Variants in HAS3 observed in about 807,000 individuals in gnomAD.
HAS3 encodes the protein HA synthase 3.
Under a neutral mutation model 50.3 loss-of-function variants are expected in HAS3, and 27 were observed. That is an observed-to-expected ratio of 0.54 (90% CI 0.40 to 0.74). The LOEUF is 0.74. Among genes scored for constraint, HAS3 ranks in the 30% least tolerant of loss-of-function variants. The pLI, the probability that HAS3 is intolerant of heterozygous loss-of-function variation, is 0.00. For missense variants in HAS3, 517 were observed against 742.8 expected (o/e 0.70, Z 3.53); for synonymous variants, 339 against 310.9 (o/e 1.09, Z -0.95).
At position 69,107,896 on chromosome 16, in the gene HAS3, T is replaced by A. The variant is rs2099942387; in HGVS notation, c.1-1500T>A. On this transcript the variant is annotated intron_variant, in intron 1 of 3. Coordinates refer to ENST00000569188, the MANE Select transcript of HAS3 (RefSeq NM_001199280.2). This position sits in a 1 kb window ranked among gnomAD's most constrained non-coding sequence, Gnocchi z 5.5. ...GGAGAGGCTAGGCTGCCAGCAGCTCTTTTCGGGCCAACGCTGCTGGAAGGC... is the reference window on the plus strand; with the variant it reads ...GGAGAGGCTAGGCTGCCAGCAGCTCATTTCGGGCCAACGCTGCTGGAAGGC... 6.6e-6 allele frequency among the ~76,000 whole-genome samples: 1 copy of A among 152,220 alleles called. No individual in the cohort carries two copies. Among genetic ancestry groups the A allele is most frequent in the South Asian group, 2.1e-4 (1 of 4,832 alleles).
chr16:69,110,819 C>T (rs1039051409), intron 2 of HAS3, among the ~76,000 whole-genome samples: 3 of 152,132 alleles, frequency 2.0e-5, no homozygotes, highest in Admixed American at 6.5e-5. Flanking sequence ...CATAAGAAAG[C>T]GTGGTGAAGA....
the HAS3 span, among the ~76,000 whole-genome samples, chr16:69,086,569 T>A: frequency 1.1e-4 from 16 of 150,484 alleles, no homozygotes; most frequent in Admixed American, 1.0e-3. Context: ...TGTGTATGAA[T>A]GATAGTCCTT....
intron 3 of HAS3, 57 bp downstream of exon 3, chr16:69,113,599 A>G (rs1050404059): frequency 4.9e-6 from 5 of 1,015,902 alleles, no homozygotes; most frequent in Non-Finnish European, 7.5e-6. Context: ...TTCCTAATCC[A>G]ATTGGATATG....
Position 69,117,410 on chromosome 16 carries a change from C to CAT in HAS3, c.*2145_*2146dup. 1 of 985,782 alleles carries CAT rather than the reference C, an allele frequency of 1.0e-6. No individual in the cohort carries two copies. The highest frequency in any genetic ancestry group is 1.2e-6 in the Non-Finnish European group (1 of 829,886). The allele number at this position is 985,782 out of a possible 1,614,324, so 61.1% of individuals were successfully genotyped here. A position where few individuals can be genotyped will look rare whatever the true frequency, so the allele number is the denominator to read the frequency against. ...ACTGGTTTTTCTAAGTTATTTTGTA[C>CAT]ATTTTTCAGCAGCAAAACCAAACTG... On this transcript the variant is annotated 3_prime_UTR_variant, in exon 4 of 4. Transcript: ENST00000569188.
the HAS3 span, among the ~76,000 whole-genome samples, chr16:69,094,068 T>A: frequency 6.6e-6 from 1 of 152,134 alleles, no homozygotes; most frequent in African/African-American, 2.4e-5. Flanking sequence ...GAGCTGCTGA[T>A]TTCAGGAGAG....
rs765434455 is a variant in HAS3, at chr16:69,113,407, G to T, written c.637-34G>T. On this transcript the variant is annotated intron_variant, in intron 2 of 3. Coordinates refer to ENST00000569188, the MANE Select transcript of HAS3 (RefSeq NM_001199280.2). ...GGGGGACAGGGTGTGCAGGTCTGAG[G>T]TCAGAATGGGCTGACGACGCACTCC... The T allele has an allele frequency of 2.8e-6, 4 of 1,446,530 alleles. No homozygotes were observed. In the East Asian group the frequency reaches 9.1e-5, roughly 33 times the overall value. 89.6% of individuals were successfully genotyped at this position (1,446,530 alleles called of 1,614,324 possible). A position where few individuals can be genotyped will look rare whatever the true frequency, so the allele number is the denominator to read the frequency against.
chr16:69,116,598 C>G lies in HAS3; in HGVS notation c.*1332C>G. ...TTGTGACAGTCACTGCATTTGCCTG[C>G]TTCTTTCCAGAAACCAAACTAGGAG... is the stretch of plus-strand genomic sequence containing the variant. On this transcript the variant is annotated 3_prime_UTR_variant, in exon 4 of 4. Coordinates refer to ENST00000569188, the MANE Select transcript of HAS3 (RefSeq NM_001199280.2). 1.0e-6 allele frequency: 1 copy of G among 985,376 alleles called. No homozygotes were observed. The highest frequency in any genetic ancestry group is 1.2e-6 in the Non-Finnish European group (1 of 829,908). The allele number at this position is 985,376 out of a possible 1,614,324, so 61.0% of individuals were successfully genotyped here. A position where few individuals can be genotyped will look rare whatever the true frequency, so the allele number is the denominator to read the frequency against.
downstream of HAS3, chr16:69,118,341 G>A (rs771645177): frequency 3.5e-5 from 54 of 1,523,764 alleles, no homozygotes; most frequent in East Asian, 1.2e-3. Context: ...CCATCTCCCT[G>A]TTCTGTGTTC....
At chr16:69,110,967 G>A (rs759688276) in intron 2 of HAS3, among the ~76,000 whole-genome samples, 2 of 152,000 alleles carry the variant, frequency 1.3e-5, no homozygotes, top group Admixed American at 1.3e-4. Flanking sequence ...TAGGAGCATC[G>A]GCAGGGGCGG....
At chr16:69,111,928 C>T (rs1456686096) in intron 2 of HAS3, among the ~76,000 whole-genome samples, 1 of 152,240 alleles carries the variant, frequency 6.6e-6, no homozygotes, top group Non-Finnish European at 1.5e-5. Flanking sequence ...CAAACAGGCT[C>T]ACACACCTGA....
At chr16:69,110,928 C>T (rs1456905627) in intron 2 of HAS3, among the ~76,000 whole-genome samples, 1 of 152,148 alleles carries the variant, frequency 6.6e-6, no homozygotes, top group African/African-American at 2.4e-5. Context: ...CGGTGAGAGA[C>T]ACAGGTGCGA....
rs774466945 is a variant in HAS3 at position 69,109,777 on chromosome 16, G to A, written c.382G>A (p.Glu128Lys). The change falls in exon 2 of 4, where the codon GAG becomes AAG. Residue 128 changes from glutamate to lysine, a missense_variant. By Grantham distance (56) the Glu-to-Lys change is moderately conservative. Coordinates refer to ENST00000569188, the MANE Select transcript of HAS3 (RefSeq NM_001199280.2). The surrounding 1 kb of genome is among the most constrained non-coding windows in gnomAD (Gnocchi z 5.3). ...VVMVVDGNRQ[E>K]DAYMLDIFHE... The stretch of plus-strand genomic sequence containing the variant: ...CATGGTGGTGGATGGCAACCGCCAG[G>A]AGGACGCCTACATGCTGGACATCTT... 2 of 1,611,918 alleles carry A rather than the reference G, an allele frequency of 1.2e-6. No individual in the cohort carries two copies. Among genetic ancestry groups the A allele is most frequent in the Admixed American group, 3.3e-5 (2 of 60,032 alleles).
In HAS3 at chr16:69,107,528, G is replaced by A. The variant is rs1960845520; in HGVS notation, c.-1+1741G>A. ...CAAGAGGCGAGGCTCGAGCGGGGAT[G>A]AGAAGCGTGGCGAGTGCGTTCGCGG... On this transcript the variant is annotated intron_variant, in intron 1 of 3. Transcript: ENST00000569188. The surrounding 1 kb of genome is among the most constrained non-coding windows in gnomAD (Gnocchi z 5.5). 2 of 985,452 alleles carry A rather than the reference G, an allele frequency of 2.0e-6. No homozygotes were observed. The highest frequency in any genetic ancestry group is 1.2e-6 in the Non-Finnish European group (1 of 830,042). The allele number at this position is 985,452 out of a possible 1,614,324, so 61.0% of individuals were successfully genotyped here. A position where few individuals can be genotyped will look rare whatever the true frequency, so the allele number is the denominator to read the frequency against.
At chr16:69,090,264 C>T in the HAS3 span, among the ~76,000 whole-genome samples, 39 of 152,266 alleles carry the variant, frequency 2.6e-4, no homozygotes, top group African/African-American at 6.3e-4. Flanking sequence ...CCACCTCCCC[C>T]GTGCTGGCCC....
chr16:69,083,614 C>G, the HAS3 span: 1 of 1,581,078 alleles, frequency 6.3e-7, no homozygotes, highest in Non-Finnish European at 8.6e-7. Context: ...GAAAAACTTC[C>G]TGTTCCCTCC....
At position 69,116,802 on chromosome 16, in the gene HAS3, T is replaced by C. The variant is rs1025482419; in HGVS notation, c.*1536T>C. The C allele has an allele frequency of 2.0e-5, 20 of 985,428 alleles. No individual in the cohort carries two copies. The highest frequency in any genetic ancestry group is 5.2e-4 in the Middle Eastern group (1 of 1,914). The allele number at this position is 985,428 out of a possible 1,614,324, so 61.0% of individuals were successfully genotyped here. On this transcript the variant is annotated 3_prime_UTR_variant, in exon 4 of 4. Transcript: ENST00000569188. ...AAAACCTGGGATCCTGACTAAGCCTTTGACTTAAGGGTTGCTTGCTTGCCC... is the reference window on the plus strand; with the variant it reads ...AAAACCTGGGATCCTGACTAAGCCTCTGACTTAAGGGTTGCTTGCTTGCCC...
intron 2 of HAS3, among the ~76,000 whole-genome samples, chr16:69,111,607 G>C (rs1961004053): frequency 6.6e-6 from 1 of 152,198 alleles, no homozygotes; most frequent in Non-Finnish European, 1.5e-5. Flanking sequence ...TTGCGTGTCT[G>C]GCTTTTTTGA....
At chr16:69,095,352 G>A in the HAS3 span, among the ~76,000 whole-genome samples, 2 of 152,122 alleles carry the variant, frequency 1.3e-5, no homozygotes, top group South Asian at 4.2e-4. Flanking sequence ...GGTGCTGGAG[G>A]AAAATGGACA....
At chr16:69,101,270 GGCTGGAACAGGCCCT>G (rs1328608334), upstream of HAS3, among the ~76,000 whole-genome samples, 1 of 152,086 alleles carries the variant, frequency 6.6e-6, no homozygotes, top group Non-Finnish European at 1.5e-5. Context: ...CAGCAGGCCC[GGCTGGAACAGGCCCT>G]GCTGGAAGCT....
Sources: gnomAD v4.1 joint callset for allele counts (sites outside exome capture counted in the v4.1 genomes callset) on GRCh38, gnomAD v4.1.1 for gene constraint, Gnocchi (gnomAD v3.1) non-coding constraint, MANE v1.5 for transcripts, NCBI Gene and HGNC (gene_info 2026-07-23, HGNC 2026-07-21) for gene names.